Variants in PCCB observed in about 807,000 individuals in gnomAD.
PCCB encodes propionyl-CoA carboxylase beta chain, mitochondrial.
Under a neutral mutation model 60.7 loss-of-function variants are expected in PCCB, and 43 were observed. The ratio of observed to expected loss-of-function variants is 0.71; its 90% CI spans 0.55 to 0.91. PCCB has a LOEUF of 0.91. Ranked by LOEUF, PCCB falls within the 40% of genes least tolerant of loss-of-function variation. The pLI is 0.00. For synonymous variants in PCCB, 276 were observed against 255.9 expected (o/e 1.08, Z -0.75); for missense variants, 766 against 702.8 (o/e 1.09, Z -1.02).
At position 136,260,578 on chromosome 3, in the gene PCCB, T is replaced by G. The variant is rs1237600599; in HGVS notation, c.429+43T>G. ...AAATTCAATCCATTGCTTTCCTCAG[T>G]TACATAGTGCTTATTGAGTATCTTT... On this transcript the variant is annotated intron_variant, in intron 4 of 14. Coordinates refer to ENST00000251654, the MANE Select transcript of PCCB (RefSeq NM_000532.5). The G allele has an allele frequency of 2.7e-6, 4 of 1,469,840 alleles. No individual in the cohort carries two copies. The African/African-American group carries it at 5.5e-5, about 20-fold the overall frequency. 91.0% of individuals were successfully genotyped at this position (1,469,840 alleles called of 1,614,324 possible).
At chr3:136,327,112 T>C in intron 11 of PCCB, 43 bp from the exon 12 acceptor site, 1 of 1,546,742 alleles carries the variant, frequency 6.5e-7, no homozygotes, top group Non-Finnish European at 8.9e-7. Context: ...AGGATAACCA[T>C]GTGAGGACTT....
chr3:136,293,155 C>G (rs1011450654), intron 6 of PCCB, among the ~76,000 whole-genome samples: 10 of 152,116 alleles, frequency 6.6e-5, no homozygotes, highest in Admixed American at 2.0e-4. Flanking sequence ...GCACATGCCA[C>G]CAGGCCTACC....
At position 136,294,089 on chromosome 3, in the gene PCCB, C is replaced by A. The variant is rs540270519; in HGVS notation, c.763+225C>A. ...ATTAAATAACACGCTATTAGTAATG[C>A]TTGGTTATTCTTTAAAACAATTTAG... On this transcript the variant is annotated intron_variant, in intron 7 of 14. Coordinates refer to ENST00000251654, the MANE Select transcript of PCCB (RefSeq NM_000532.5). Among the ~76,000 whole-genome samples the A allele has an allele frequency of 3.3e-5, 5 of 152,084 alleles. No individual in the cohort carries two copies. The East Asian group carries it at 7.7e-4, about 24-fold the overall frequency.
intron 11 of PCCB, 24 bp downstream of exon 11, chr3:136,326,934 C>A: frequency 1.4e-6 from 2 of 1,468,238 alleles, no homozygotes; most frequent in Non-Finnish European, 1.9e-6. Context: ...AGAGTGGGGG[C>A]TAGGAGAGTT....
chr3:136,275,343 G>GT (rs199702040), intron 5 of PCCB, among the ~76,000 whole-genome samples: 121 of 148,028 alleles, frequency 8.2e-4, no homozygotes, highest in Admixed American at 4.5e-3. Context: ...TGTTTTTTAA[G>GT]TTTTTTTTTT....
intron 5 of PCCB, among the ~76,000 whole-genome samples, chr3:136,275,184 T>C (rs1232564488): frequency 2.0e-5 from 3 of 152,208 alleles, no homozygotes; most frequent in South Asian, 2.1e-4. Flanking sequence ...GTCTTGGAGC[T>C]CTGAAATTCA....
intron 8 of PCCB, among the ~76,000 whole-genome samples, chr3:136,299,068 T>A (rs1477777123): frequency 6.6e-6 from 1 of 152,018 alleles, no homozygotes; most frequent in Non-Finnish European, 1.5e-5. Context: ...GAGTATACAG[T>A]TTGGAGTTCC....
At position 136,293,768 on chromosome 3, in the gene PCCB, C is replaced by G; in HGVS notation, c.667C>G (p.Leu223Val). ...FTFMVKDTSY[L>V]FITGPDVVKS... is the part of the protein sequence containing the mutation. ...TCTTTTATTTCAGGACACCTCCTAC[C>G]TGTTCATCACTGGCCCTGATGTTGT... Residue 223 changes from leucine to valine, a missense_variant, in exon 7 of 15, where the codon CTG becomes GTG. Physicochemically the swap from Leu to Val is conservative, Grantham distance 32. Transcript: ENST00000251654. 1 of 1,609,184 alleles carries G rather than the reference C, an allele frequency of 6.2e-7. No homozygotes were observed. Among genetic ancestry groups the G allele is most frequent in the Non-Finnish European group, 8.5e-7 (1 of 1,175,578 alleles).
At chr3:136,296,557 T>C (rs2108201048) in intron 7 of PCCB, among the ~76,000 whole-genome samples, 1 of 152,328 alleles carries the variant, frequency 6.6e-6, no homozygotes, top group South Asian at 2.1e-4. Context: ...ATCATAAATA[T>C]GCCTGTATTA....
intron 9 of PCCB, among the ~76,000 whole-genome samples, chr3:136,310,637 A>C (rs1259131889): frequency 3.3e-5 from 5 of 152,190 alleles, no homozygotes; most frequent in Non-Finnish European, 4.4e-5. Flanking sequence ...AACAAAACAC[A>C]CAAGAACCTT....
In PCCB at chr3:136,274,905, G is replaced by C. The variant is rs1015019083; in HGVS notation, c.544-8932G>C. Among the ~76,000 whole-genome samples, 4 of 151,430 alleles carry C rather than the reference G, an allele frequency of 2.6e-5. No individual in the cohort carries two copies. The East Asian group carries it at 7.8e-4, about 29-fold the overall frequency. On this transcript the variant is annotated intron_variant, in intron 5 of 14. Transcript: ENST00000251654. ...ACAGTGTTGTGACCTTTGTCTCCTG[G>C]GCTCAGGCAATCCTCACACCTCTGC...
intron 10 of PCCB, among the ~76,000 whole-genome samples, chr3:136,320,731 T>A (rs1935079453): frequency 6.6e-6 from 1 of 152,226 alleles, no homozygotes; most frequent in South Asian, 2.1e-4. Context: ...CTCTTGTGGA[T>A]TTGCTGGGAT....
At chr3:136,320,816 A>G (rs1935083066) in intron 10 of PCCB, among the ~76,000 whole-genome samples, 1 of 151,816 alleles carries the variant, frequency 6.6e-6, no homozygotes, top group Non-Finnish European at 1.5e-5. Flanking sequence ...GATGCTTTTT[A>G]TTTTTCTTGT....
chr3:136,276,226 G>C (rs1299561793), intron 5 of PCCB, among the ~76,000 whole-genome samples: 1 of 152,168 alleles, frequency 6.6e-6, no homozygotes, highest in Non-Finnish European at 1.5e-5. Context: ...TAAGTTGATG[G>C]TTAAGGCTTC....
In PCCB at chr3:136,273,576, TTC is replaced by T. The variant is rs1245251116; in HGVS notation, c.544-10259_544-10258del. On this transcript the variant is annotated intron_variant, in intron 5 of 14. Coordinates refer to ENST00000251654, the MANE Select transcript of PCCB (RefSeq NM_000532.5). ...TATTATATAATGACCTTCTTTTTCT[TTC>T]TTTTTTTTTTTCTTTTTTCTTTTTT... 2.1e-5 allele frequency among the ~76,000 whole-genome samples: 3 copies of T among 145,888 alleles called. No homozygotes were observed. The Admixed American group carries it at 2.1e-4, about 10-fold the overall frequency.
At chr3:136,261,895 T>C in intron 4 of PCCB, 57 bp from the exon 5 acceptor site, 1 of 1,177,082 alleles carries the variant, frequency 8.5e-7, no homozygotes, top group Non-Finnish European at 1.2e-6. Flanking sequence ...ATTTTGTGAA[T>C]GTCGTTTTTT....
intron 6 of PCCB, among the ~76,000 whole-genome samples, chr3:136,284,923 C>CA (rs1352863062): frequency 1.3e-5 from 2 of 151,528 alleles, no homozygotes; most frequent in South Asian, 2.1e-4. Context: ...CCCATCTCTA[C>CA]AAAAAAATAC....
At chr3:136,272,700 A>G (rs1227483827) in intron 5 of PCCB, among the ~76,000 whole-genome samples, 2 of 151,696 alleles carry the variant, frequency 1.3e-5, no homozygotes, top group African/African-American at 4.8e-5. Context: ...TAATATTTCC[A>G]GTTTCATTTT....
At chr3:136,265,536 C>A (rs1941962103) in intron 5 of PCCB, among the ~76,000 whole-genome samples, 1 of 152,112 alleles carries the variant, frequency 6.6e-6, no homozygotes, top group South Asian at 2.1e-4. Flanking sequence ...GTATTTTCAT[C>A]ATTTACCAGT....
Sources: allele counts gnomAD v4.1 joint callset (sites outside exome capture counted in the v4.1 genomes callset), GRCh38; gene constraint gnomAD v4.1.1; transcripts MANE v1.5; gene names NCBI Gene and HGNC (gene_info 2026-07-23, HGNC 2026-07-21).